The following RBFOX1 variants were observed in gnomAD, a reference collection of about 807,000 sequenced individuals.
The protein encoded by RBFOX1 is RNA binding protein fox-1 homolog 1.
In RBFOX1, 8 loss-of-function variants were observed where a neutral mutation model predicts 57.7. That is an observed-to-expected ratio of 0.14 (90% CI 0.08 to 0.25). The LOEUF is 0.25. Ranked by LOEUF, RBFOX1 falls within the 10% of genes least tolerant of loss-of-function variation. The pLI is 1.00. For missense variants in RBFOX1, 611 were observed against 548.5 expected (o/e 1.11, Z -1.14); for synonymous variants, 326 against 222.4 (o/e 1.47, Z -4.15).
In RBFOX1 at chr16:7,228,768, A is replaced by C. The variant is rs145150918; in HGVS notation, c.27+176670A>C. 8.7e-4 allele frequency among the ~76,000 whole-genome samples: 132 copies of C among 152,358 alleles called. 1 individual carries two copies. The highest frequency in any genetic ancestry group is 3.1e-3 in the African/African-American group (128 of 41,588). On this transcript the variant is annotated intron_variant, in intron 4 of 15. Transcript: ENST00000550418. The stretch of plus-strand genomic sequence containing the variant: ...GCAAGAGGTTAAGTGAATTTGACCA[A>C]GTTTCCCATTATAATTTATTTTGGG...
At chr16:6,708,947 G>A (rs927813183) in intron 3 of RBFOX1, among the ~76,000 whole-genome samples, 2 of 151,488 alleles carry the variant, frequency 1.3e-5, no homozygotes, top group Non-Finnish European at 2.9e-5. Flanking sequence ...TAGTGGCCTA[G>A]TAGCGGTGGC....
At chr16:6,098,622 T>A (rs891170837) in intron 1 of RBFOX1, among the ~76,000 whole-genome samples, 1 of 152,232 alleles carries the variant, frequency 6.6e-6, no homozygotes, top group African/African-American at 2.4e-5. Flanking sequence ...GCCATGCACA[T>A]TCTCTGTATT....
intron 2 of RBFOX1, among the ~76,000 whole-genome samples, chr16:6,475,037 A>T (rs1332455618): frequency 6.6e-6 from 1 of 152,220 alleles, no homozygotes; most frequent in Non-Finnish European, 1.5e-5. Context: ...GGCAGCTTAT[A>T]CAGTAACATC....
At chr16:6,805,612 A>C (rs1037921426) in intron 3 of RBFOX1, among the ~76,000 whole-genome samples, 11 of 150,010 alleles carry the variant, frequency 7.3e-5, no homozygotes, top group Non-Finnish European at 1.3e-4. Context: ...GAGCAAATCA[A>C]ATTATTCCTG....
At position 5,467,226 on chromosome 16, in the gene RBFOX1, G is replaced by T. The variant is rs1246110487; in HGVS notation, c.230G>T (p.Cys77Phe). Reference sequence around the variant, plus strand: ...TTTTTTTTAATGCAGGATCTACTGTGCCTGCCATACAGCCTGGTTGAGGGT... The same window carrying T: ...TTTTTTTTAATGCAGGATCTACTGTTCCTGCCATACAGCCTGGTTGAGGGT... Residue 77 changes from cysteine to phenylalanine, a missense_variant, in exon 2 of 3, where the codon TGC (cysteine) becomes TTC (phenylalanine). By Grantham distance (205) the Cys-to-Phe change is radical. Transcript: ENST00000585867. 2.0e-6 allele frequency: 3 copies of T among 1,493,464 alleles called. No homozygotes were observed. The South Asian group carries it at 3.6e-5, about 18-fold the overall frequency. The allele number at this position is 1,493,464 out of a possible 1,614,324, so 92.5% of individuals were successfully genotyped here. A position where few individuals can be genotyped will look rare whatever the true frequency, so the allele number is the denominator to read the frequency against.
intron 1 of RBFOX1, among the ~76,000 whole-genome samples, chr16:6,110,244 G>T: frequency 7.4e-6 from 1 of 135,360 alleles, no homozygotes; most frequent in African/African-American, 2.8e-5. Context: ...CTGGTACCCT[G>T]GCTTCTTCTT....
intron 2 of RBFOX1, among the ~76,000 whole-genome samples, chr16:5,469,032 T>G (rs2069045035): frequency 6.6e-6 from 1 of 152,258 alleles, no homozygotes; most frequent in African/African-American, 2.4e-5. Flanking sequence ...CTCTGCTTTC[T>G]GCAGGACCTG....
intron 4 of RBFOX1, among the ~76,000 whole-genome samples, chr16:5,889,594 G>C (rs1567674696): frequency 6.6e-6 from 1 of 152,180 alleles, no homozygotes; most frequent in Non-Finnish European, 1.5e-5. Flanking sequence ...CCCACTATGT[G>C]CCAGTCACAC....
intron 4 of RBFOX1, among the ~76,000 whole-genome samples, chr16:7,202,868 C>G (rs1003994423): frequency 6.6e-6 from 1 of 152,178 alleles, no homozygotes; most frequent in Non-Finnish European, 1.5e-5. Flanking sequence ...AGGTTGGGGT[C>G]TGCTGAAGTA....
intron 4 of RBFOX1, among the ~76,000 whole-genome samples, chr16:7,076,051 CT>C (rs1203058091): frequency 1.6e-5 from 2 of 126,832 alleles, no homozygotes; most frequent in African/African-American, 6.1e-5. Context: ...TTTTTTTTTT[CT>C]TTTTTTTTCG....
At chr16:6,505,322 C>A (rs1345197530) in intron 2 of RBFOX1, among the ~76,000 whole-genome samples, 1 of 152,038 alleles carries the variant, frequency 6.6e-6, no homozygotes, top group Non-Finnish European at 1.5e-5. Flanking sequence ...CTCAATTGAG[C>A]TTTGTTTATA....
rs199684857 is a variant in RBFOX1 at position 6,290,219 on chromosome 16, A to AG, written c.-126-26775dup. ...ATAAGCACCAAAATAGATTGTTGTG[A>AG]GCATAGCAGTGATGTCCGTGTGAAT... On this transcript the variant is annotated intron_variant, in intron 1 of 15. Transcript: ENST00000550418. Among the ~76,000 whole-genome samples the AG allele has an allele frequency of 3.7e-5, 4 of 109,246 alleles. 1 individual carries two copies. Among genetic ancestry groups the AG allele is most frequent in the South Asian group, 2.6e-4 (1 of 3,800 alleles). 71.7% of individuals were successfully genotyped at this position (109,246 alleles called of 152,430 possible). A position where few individuals can be genotyped will look rare whatever the true frequency, so the allele number is the denominator to read the frequency against.
intron 1 of RBFOX1, among the ~76,000 whole-genome samples, chr16:5,360,954 T>A (rs533682476): frequency 6.6e-6 from 1 of 152,114 alleles, no homozygotes; most frequent in South Asian, 2.1e-4. Flanking sequence ...GCTTCTGCGG[T>A]GAGGAGGTGT....
chr16:5,599,299 G>A (rs1264229649), exon 3 of RBFOX1: 3 of 626,420 alleles, frequency 4.8e-6, no homozygotes, highest in Non-Finnish European at 5.7e-6. Context: ...GCCCCAGGTT[G>A]TGGGAGCACG....
chr16:6,410,295 C>CCCT (rs1310170467), intron 2 of RBFOX1, among the ~76,000 whole-genome samples: 3 of 143,076 alleles, frequency 2.1e-5, no homozygotes, highest in Non-Finnish European at 4.5e-5. Flanking sequence ...AAACGATGAC[C>CCCT]TAGGGTTCTT....
intron 3 of RBFOX1, among the ~76,000 whole-genome samples, chr16:6,908,909 T>C (rs1391205132): frequency 2.0e-5 from 3 of 152,176 alleles, no homozygotes; most frequent in African/African-American, 4.8e-5. Flanking sequence ...TAAGCATTCA[T>C]GACTGCAGCT....
chr16:6,828,968 T>A (rs2092464089), intron 3 of RBFOX1, among the ~76,000 whole-genome samples: 1 of 150,882 alleles, frequency 6.6e-6, no homozygotes, highest in African/African-American at 2.4e-5. Context: ...GAGTGTGTAC[T>A]TTTCCCGTTG....
chr16:7,477,209 C>G (rs527959887), intron 4 of RBFOX1, among the ~76,000 whole-genome samples: 2 of 152,288 alleles, frequency 1.3e-5, no homozygotes, highest in Admixed American at 1.3e-4. Context: ...ATATCTGTCT[C>G]TTGGGTTGTT....
At chr16:6,625,535 A>C (rs887154459) in intron 2 of RBFOX1, among the ~76,000 whole-genome samples, 6 of 152,170 alleles carry the variant, frequency 3.9e-5, no homozygotes, top group Non-Finnish European at 8.8e-5. Flanking sequence ...AAACTTTAAG[A>C]AAGCCCTCTC....
Sources: gnomAD v4.1 joint callset for allele counts (sites outside exome capture counted in the v4.1 genomes callset) on GRCh38, gnomAD v4.1.1 for gene constraint, MANE v1.5 for transcripts, NCBI Gene and HGNC (gene_info 2026-07-23, HGNC 2026-07-21) for gene names.